Variants in PACRG observed in about 807,000 individuals in gnomAD.
PACRG encodes parkin coregulated gene protein.
In PACRG, 29 loss-of-function variants were observed where a neutral mutation model predicts 29.7. The observed-to-expected ratio is 0.98, with a 90% confidence interval of 0.73 to 1.33. The LOEUF is 1.33. Among genes scored for constraint, PACRG ranks in the 40% most tolerant of loss-of-function variants. The pLI is 0.00. For missense variants in PACRG, 279 were observed against 316.2 expected, an observed-to-expected ratio of 0.88 and a Z score of 0.89; for synonymous variants, 116 against 118.7, an observed-to-expected ratio of 0.98 and a Z score of 0.15.
intron 4 of PACRG, among the ~76,000 whole-genome samples, chr6:163,237,384 G>T (rs1199927530): frequency 6.6e-6 from 1 of 152,034 alleles, no homozygotes; most frequent in Non-Finnish European, 1.5e-5. Context: ...TCTGTAAATG[G>T]ATTTTTATCT....
At chr6:162,981,906 T>A (rs9365523) in intron 2 of PACRG, among the ~76,000 whole-genome samples, 51,775 of 118,586 alleles carry the variant, frequency 0.44, 9,636 homozygotes, top group East Asian at 0.68. Context: ...TGGTCCTGGA[T>A]TTTTTTTTTT....
At chr6:162,794,513 G>A (rs1041500332) in intron 1 of PACRG, among the ~76,000 whole-genome samples, 6 of 151,966 alleles carry the variant, frequency 3.9e-5, no homozygotes, top group African/African-American at 7.2e-5. Flanking sequence ...TTAAGAAATC[G>A]TTGTCTATCC....
At chr6:163,099,166 C>T (rs1207137816) in intron 4 of PACRG, among the ~76,000 whole-genome samples, 1 of 152,146 alleles carries the variant, frequency 6.6e-6, no homozygotes, top group Non-Finnish European at 1.5e-5. Flanking sequence ...CTTGTCACCC[C>T]TCCACCCCTC....
intron 4 of PACRG, among the ~76,000 whole-genome samples, chr6:163,164,462 C>G (rs922117777): frequency 6.6e-5 from 10 of 152,208 alleles, no homozygotes; most frequent in Non-Finnish European, 1.0e-4. Context: ...TCCCATCCAG[C>G]CTCTATGTCA....
chr6:163,195,206 T>A (rs12530312), intron 4 of PACRG, among the ~76,000 whole-genome samples: 32,567 of 152,240 alleles, frequency 0.21, 3,717 homozygotes, highest in East Asian at 0.36. Context: ...TCAGCCACGC[T>A]TTGATGATTG....
chr6:162,855,158 C>G (rs934454400), intron 2 of PACRG, among the ~76,000 whole-genome samples: 1 of 152,212 alleles, frequency 6.6e-6, no homozygotes, highest in African/African-American at 2.4e-5. Flanking sequence ...TTCTCAGACT[C>G]GGCGTAAGCT....
At chr6:163,084,846 G>GTAT (rs1417261962) in intron 3 of PACRG, among the ~76,000 whole-genome samples, 3 of 81,712 alleles carry the variant, frequency 3.7e-5, no homozygotes, top group African/African-American at 1.6e-4. Flanking sequence ...ATATACATAT[G>GTAT]TGTGCATATA....
chr6:162,958,366 G>A (rs1196547432), intron 2 of PACRG, among the ~76,000 whole-genome samples: 9 of 151,882 alleles, frequency 5.9e-5, no homozygotes, highest in African/African-American at 1.2e-4. Flanking sequence ...AGCCTATCTC[G>A]TTTGTATGAC....
chr6:163,008,169 CT>C (rs572134450), intron 2 of PACRG, among the ~76,000 whole-genome samples: 88 of 152,208 alleles, frequency 5.8e-4, no homozygotes, highest in Non-Finnish European at 1.1e-3. Flanking sequence ...ATAGTTCCCC[CT>C]AACGCAAATG....
At chr6:163,031,390 C>G (rs1433454268) in intron 2 of PACRG, among the ~76,000 whole-genome samples, 1 of 152,202 alleles carries the variant, frequency 6.6e-6, no homozygotes, top group African/African-American at 2.4e-5. Flanking sequence ...ACCCATCCCT[C>G]TTGTTTCTTC....
chr6:163,060,944 T>TAA (rs1056106182), intron 2 of PACRG: 3 of 151,678 alleles, frequency 2.0e-5, no homozygotes, highest in Admixed American at 6.6e-5. Flanking sequence ...AATATATATA[T>TAA]AATGTATGGA....
intron 1 of PACRG, among the ~76,000 whole-genome samples, chr6:162,742,953 T>A (rs367855731): frequency 1.3e-3 from 197 of 152,280 alleles, no homozygotes; most frequent in Middle Eastern, 6.8e-3. Flanking sequence ...CTCCGTACTG[T>A]TTTTTATAGC....
chr6:162,728,877 T>A (rs1779509338), intron 1 of PACRG, among the ~76,000 whole-genome samples: 2 of 152,200 alleles, frequency 1.3e-5, no homozygotes, highest in South Asian at 4.1e-4. Context: ...TCCTAGCATT[T>A]GCTCTAACAA....
chr6:162,851,252 C>A (rs1790835097), intron 2 of PACRG, among the ~76,000 whole-genome samples: 1 of 152,222 alleles, frequency 6.6e-6, no homozygotes, highest in African/African-American at 2.4e-5. Context: ...CTGTCCTCTC[C>A]TGTCTCCTTG....
chr6:162,880,475 A>G (rs2292575), intron 2 of PACRG, among the ~76,000 whole-genome samples: 24,916 of 152,178 alleles, frequency 0.16, 2,490 homozygotes, highest in East Asian at 0.36. Context: ...CTATCACAAA[A>G]TATACTGCAG....
chr6:163,256,305 C>T (rs1277792093), intron 4 of PACRG, among the ~76,000 whole-genome samples: 1 of 152,184 alleles, frequency 6.6e-6, no homozygotes, highest in African/African-American at 2.4e-5. Flanking sequence ...TGCTGAGTCC[C>T]ACCACGTGCG....
rs1265428011 is a variant in PACRG at position 163,062,318 on chromosome 6, A to C, written c.460A>C (p.Lys154Gln). ...PVLPQLIIPI[K>Q]NALNLRNRQV... ...CCTTCCACAGCTCATTATCCCGATAAAAAGTAAGTGAACCGGTGAAAAAGC... is the reference window on the plus strand; with the variant it reads ...CCTTCCACAGCTCATTATCCCGATACAAAGTAAGTGAACCGGTGAAAAAGC... Residue 154 changes from lysine (K) to glutamine (Q), a missense_variant, in exon 3 of 5, where the codon AAA (lysine) becomes CAA (glutamine). Physicochemically the swap from Lys to Gln is moderately conservative, Grantham distance 53. Coordinates refer to ENST00000366888, the MANE Select transcript of PACRG (RefSeq NM_001080379.2). The C allele has an allele frequency of 1.2e-5, 19 of 1,607,724 alleles. No individual in the cohort carries two copies. Among genetic ancestry groups the C allele is most frequent in the Non-Finnish European group, 1.6e-5 (19 of 1,178,004 alleles).
intron 4 of PACRG, among the ~76,000 whole-genome samples, chr6:163,108,084 G>T (rs2128317619): frequency 6.6e-6 from 1 of 152,322 alleles, no homozygotes; most frequent in East Asian, 1.9e-4. Context: ...TTGGCTTTGT[G>T]TCCCTACCCA....
At chr6:162,988,622 T>C (rs1030250696) in intron 2 of PACRG, among the ~76,000 whole-genome samples, 5 of 152,302 alleles carry the variant, frequency 3.3e-5, no homozygotes, top group Middle Eastern at 3.4e-3. Context: ...GTTCATAGAC[T>C]TTAATGAGGT....
Sources: gnomAD v4.1 joint callset for allele counts (sites outside exome capture counted in the v4.1 genomes callset) on GRCh38, gnomAD v4.1.1 for gene constraint, MANE v1.5 for transcripts, NCBI Gene and HGNC (gene_info 2026-07-23, HGNC 2026-07-21) for gene names.